PLCZ1: variants seen among roughly 807,000 people sequenced by gnomAD.
PLCZ1 encodes the protein 1-phosphatidylinositol 4,5-bisphosphate phosphodiesterase zeta-1.
A neutral mutation model predicts 76.8 loss-of-function variants in PLCZ1; 64 were observed. That is an observed-to-expected ratio of 0.83 (90% CI 0.68 to 1.03). The LOEUF (loss-of-function observed/expected upper bound fraction) is 1.03, where lower values mean the gene tolerates loss of function less well. Ranked by LOEUF, PLCZ1 falls within the 50% of genes least tolerant of loss-of-function variation. The pLI is 0.00. For missense variants in PLCZ1, 751 were observed against 713.7 expected, an observed-to-expected ratio of 1.05 and a Z score of -0.60; for synonymous variants, 248 against 230.8, an observed-to-expected ratio of 1.07 and a Z score of -0.68.
intron 13 of PLCZ1, chr12:18,685,683 G>A: frequency 1.9e-6 from 1 of 513,226 alleles, no homozygotes; most frequent in Non-Finnish European, 3.9e-6. Flanking sequence ...AATTTCATGG[G>A]GTACAGAGGC....
At chr12:18,704,673 C>G (rs967908154) in intron 7 of PLCZ1, among the ~76,000 whole-genome samples, 1 of 151,964 alleles carries the variant, frequency 6.6e-6, no homozygotes, top group Non-Finnish European at 1.5e-5. Context: ...AAGTGAAGTC[C>G]TGATGGTAGA....
the PLCZ1 span, chr12:18,648,121 C>A: frequency 2.9e-6 from 2 of 683,864 alleles, no homozygotes; most frequent in Non-Finnish European, 2.3e-6. Flanking sequence ...TCTTTGTTGT[C>A]AAAGACAGCA....
the PLCZ1 span, among the ~76,000 whole-genome samples, chr12:18,672,068 A>G: frequency 6.6e-5 from 10 of 152,232 alleles, no homozygotes; most frequent in Non-Finnish European, 1.0e-4. Context: ...CGATTTCAGC[A>G]TATGAATTTT....
chr12:18,711,490 A>T (rs144779221), intron 6 of PLCZ1, among the ~76,000 whole-genome samples: 4,795 of 150,554 alleles, frequency 0.032, 262 homozygotes, highest in African/African-American at 0.11. Flanking sequence ...CATATGTAAC[A>T]AACCTGCACA....
the PLCZ1 span, among the ~76,000 whole-genome samples, chr12:18,662,770 A>G: frequency 0.4 from 60,457 of 151,972 alleles, 14,216 homozygotes; most frequent in South Asian, 0.59. Context: ...TTAAGCTGTT[A>G]TAAAATCAAA....
chr12:18,704,137 AC>A (rs1956287248), intron 7 of PLCZ1, among the ~76,000 whole-genome samples: 1 of 152,162 alleles, frequency 6.6e-6, no homozygotes, highest in Non-Finnish European at 1.5e-5. Context: ...GTGGAGGTCG[AC>A]AGTATTGAAT....
chr12:18,730,779 C>T (rs547669634), intron 3 of PLCZ1, among the ~76,000 whole-genome samples: 1 of 152,246 alleles, frequency 6.6e-6, no homozygotes, highest in African/African-American at 2.4e-5. Context: ...ACTTGATAAT[C>T]ACTGAATAAT....
intron 10 of PLCZ1, among the ~76,000 whole-genome samples, chr12:18,696,543 T>G (rs951771340): frequency 6.6e-6 from 1 of 151,644 alleles, no homozygotes; most frequent in Non-Finnish European, 1.5e-5. Flanking sequence ...ATTAGATAAT[T>G]TATATATTTT....
chr12:18,676,792 G>A, the PLCZ1 span, among the ~76,000 whole-genome samples: 3 of 152,082 alleles, frequency 2.0e-5, no homozygotes, highest in Non-Finnish European at 4.4e-5. Context: ...AAACTAGAAG[G>A]TCAGAAGGGA....
At chr12:18,667,995 T>C in the PLCZ1 span, among the ~76,000 whole-genome samples, 2 of 152,070 alleles carry the variant, frequency 1.3e-5, no homozygotes, top group African/African-American at 4.8e-5. Flanking sequence ...AGGCAAAAGA[T>C]TTTTACCTAA....
intron 7 of PLCZ1, among the ~76,000 whole-genome samples, chr12:18,704,710 ACTTCAGTATG>A (rs1253809639): frequency 1.3e-5 from 2 of 152,130 alleles, no homozygotes; most frequent in Non-Finnish European, 2.9e-5. Flanking sequence ...CAAAGCAAAT[ACTTCAGTATG>A]CTCAAATTAA....
At chr12:18,679,110 A>G (rs1361018706), downstream of PLCZ1, among the ~76,000 whole-genome samples, 4 of 152,166 alleles carry the variant, frequency 2.6e-5, no homozygotes, top group East Asian at 5.8e-4. Context: ...GTGCTTATTA[A>G]TCATTCACAT....
At chr12:18,702,472 T>C (rs1355861892) in intron 7 of PLCZ1, among the ~76,000 whole-genome samples, 1 of 152,172 alleles carries the variant, frequency 6.6e-6, no homozygotes, top group Non-Finnish European at 1.5e-5. Context: ...TATACAATGC[T>C]GAAATCTGGG....
intron 3 of PLCZ1, among the ~76,000 whole-genome samples, chr12:18,726,715 T>G (rs1356305582): frequency 1.3e-5 from 2 of 152,214 alleles, no homozygotes; most frequent in Admixed American, 1.3e-4. Flanking sequence ...ATGAGAAAGC[T>G]GATTTATCAA....
chr12:18,724,305 C>A (rs556488436), intron 3 of PLCZ1, among the ~76,000 whole-genome samples: 1 of 151,706 alleles, frequency 6.6e-6, no homozygotes, highest in South Asian at 2.1e-4. Flanking sequence ...CAGAAGAATT[C>A]GACACAATGA....
At chr12:18,646,415 T>C in the PLCZ1 span, among the ~76,000 whole-genome samples, 1 of 152,190 alleles carries the variant, frequency 6.6e-6, no homozygotes, top group South Asian at 2.1e-4. Flanking sequence ...CGCATTCGCA[T>C]ATCATATTGT....
rs1958615576 is a variant in PLCZ1, at chr12:18,724,186, T to C, written c.136-644A>G. ...GGTTTGATTAGTTGTGCATTTCCAA[T>C]TGGAAGAGTTAGAGAACTGCAGGTA... On this transcript the variant is annotated intron_variant, in intron 3 of 14. Coordinates refer to ENST00000266505, the MANE Select transcript of PLCZ1 (RefSeq NM_033123.4). Among the ~76,000 whole-genome samples the C allele has an allele frequency of 2.0e-5, 3 of 152,200 alleles. No individual in the cohort carries two copies. In the South Asian group the frequency reaches 6.2e-4, roughly 32 times the overall value.
chr12:18,728,371 A>G (rs1489447204), intron 3 of PLCZ1, among the ~76,000 whole-genome samples: 1 of 152,216 alleles, frequency 6.6e-6, no homozygotes, highest in African/African-American at 2.4e-5. Context: ...CAGTGTCTAC[A>G]TTATGGCAGA....
chr12:18,728,164 A>G (rs1380627275), intron 3 of PLCZ1, among the ~76,000 whole-genome samples: 1 of 152,190 alleles, frequency 6.6e-6, no homozygotes, highest in Non-Finnish European at 1.5e-5. Context: ...TGTGTTAGGA[A>G]TAGAGGAAAA....
Sources: gnomAD v4.1 joint callset for allele counts (sites outside exome capture counted in the v4.1 genomes callset) on GRCh38, gnomAD v4.1.1 for gene constraint, MANE v1.5 for transcripts, NCBI Gene and HGNC (gene_info 2026-07-23, HGNC 2026-07-21) for gene names.